DNAL1: variants seen among roughly 807,000 people sequenced by gnomAD.
DNAL1 encodes the protein chromosome 14 open reading frame 168.
A neutral mutation model predicts 29.4 loss-of-function variants in DNAL1; 17 were observed. The ratio of observed to expected loss-of-function variants is 0.58; its 90% confidence interval spans 0.40 to 0.87. The LOEUF is 0.87. Ranked by LOEUF, DNAL1 falls within the 40% of genes least tolerant of loss-of-function variation. The probability of loss-of-function intolerance (pLI) is 0.00; values close to 1 mark genes in which losing one functional copy is unlikely to be tolerated. For missense variants in DNAL1, 188 were observed against 214.1 expected (o/e 0.88, Z 0.76); for synonymous variants, 78 against 76.3 (o/e 1.02, Z -0.12).
intron 2 of DNAL1, among the ~76,000 whole-genome samples, chr14:73,656,631 G>C: frequency 6.6e-6 from 1 of 151,824 alleles, no homozygotes; most frequent in East Asian, 1.9e-4. Flanking sequence ...TCATTATGTT[G>C]CCCAGGTTGG....
At chr14:73,681,633 AATATATATAT>A (rs71112793) in intron 5 of DNAL1, among the ~76,000 whole-genome samples, 1 of 35,414 alleles carries the variant, frequency 2.8e-5, no homozygotes, top group Non-Finnish European at 4.1e-5. Context: ...AAAAAAAAAA[AATATATATAT>A]ATATATATAT....
intron 5 of DNAL1, among the ~76,000 whole-genome samples, chr14:73,676,344 T>C (rs1006301802): frequency 6.6e-6 from 1 of 152,198 alleles, no homozygotes; most frequent in Non-Finnish European, 1.5e-5. Flanking sequence ...CTTTGGTCTT[T>C]CTACCTCCTA....
rs1043288656 is a variant in DNAL1 at position 73,701,687 on chromosome 14, C to CG, written c.*5746dup. 2.6e-5 allele frequency: 4 copies of CG among 152,222 alleles called. No homozygotes were observed. The highest frequency in any genetic ancestry group is 7.2e-5 in the African/African-American group (3 of 41,458). 9.4% of individuals were successfully genotyped at this position (152,222 alleles called of 1,614,324 possible). On this transcript the variant is annotated 3_prime_UTR_variant, in exon 8 of 8. Coordinates refer to ENST00000553645, the MANE Select transcript of DNAL1 (RefSeq NM_031427.4). ...GTGAGTTGGAAGCTAAGAGCACATG[C>CG]GCATAGCCAGCTCCTCTCCCAGGCT...
In DNAL1 at chr14:73,658,753, G is replaced by A. The variant is rs1312902266; in HGVS notation, c.43-94G>A. The A allele has an allele frequency of 3.4e-6, 3 of 895,164 alleles. No individual in the cohort carries two copies. The African/African-American group carries it at 5.1e-5, about 15-fold the overall frequency. The allele number at this position is 895,164 out of a possible 1,614,324, so 55.5% of individuals were successfully genotyped here. Reference sequence around the variant, plus strand: ...TTTGCTAAATTCTAGCAATTGTCTTGAAATAAACATGGAAAAGCCTTAGGA... The same window carrying A: ...TTTGCTAAATTCTAGCAATTGTCTTAAAATAAACATGGAAAAGCCTTAGGA... On this transcript the variant is annotated intron_variant, in intron 2 of 7. Transcript: ENST00000553645.
At chr14:73,647,364 CA>C (rs199974495) in intron 1 of DNAL1, among the ~76,000 whole-genome samples, 47 of 92,746 alleles carry the variant, frequency 5.1e-4, no homozygotes, top group Middle Eastern at 7.1e-3. Context: ...GACTCTGTCT[CA>C]AAAAAAAAAA....
chr14:73,649,240 C>CT (rs2140022185), intron 1 of DNAL1, among the ~76,000 whole-genome samples: 1 of 151,404 alleles, frequency 6.6e-6, no homozygotes, highest in Admixed American at 6.6e-5. Context: ...TCCCAAAGTG[C>CT]TGGGATTACA....
Position 73,697,495 on chromosome 14 carries a change from C to G in DNAL1, c.*1553C>G, listed in dbSNP as rs571752759. On this transcript the variant is annotated 3_prime_UTR_variant, in exon 8 of 8. Transcript: ENST00000553645. The stretch of plus-strand genomic sequence containing the variant: ...TGGTGGCTCATGCCTGTCATCCCAG[C>G]ACTTTGGGAGGCCGAGGCGGGCGGA... 2 of 152,386 alleles carry G rather than the reference C, an allele frequency of 1.3e-5. No individual in the cohort carries two copies. The highest frequency in any genetic ancestry group is 1.3e-4 in the Admixed American group (2 of 15,288). 9.4% of individuals were successfully genotyped at this position (152,386 alleles called of 1,614,324 possible).
Position 73,689,399 on chromosome 14 carries a change from T to C in DNAL1, c.416T>C (p.Leu139Pro). Residue 139 changes from leucine (L) to proline (P), a missense_variant, in exon 7 of 8, where the codon CTG (leucine) becomes CCG (proline). By Grantham distance (98) the Leu-to-Pro change is moderately conservative. Transcript: ENST00000553645. ...GCTGAGTTTGTGAAGCTGGCAGAAC[T>C]GCCATGCCTCGAAGACCTGGTGTTT... is the stretch of plus-strand genomic sequence containing the variant. ...DWAEFVKLAE[L>P]PCLEDLVFVG... 6.4e-7 allele frequency: 1 copy of C among 1,553,170 alleles called. No individual in the cohort carries two copies. Among genetic ancestry groups the C allele is most frequent in the Admixed American group, 2.0e-5 (1 of 51,022 alleles).
intron 7 of DNAL1, among the ~76,000 whole-genome samples, chr14:73,690,037 CAA>C (rs569314573): frequency 0.1 from 3,374 of 33,252 alleles, 138 homozygotes; most frequent in African/African-American, 0.36. Context: ...AATTCCGTCT[CAA>C]AAAAAAAAAA....
chr14:73,662,151 G>C (rs1595207392), intron 4 of DNAL1, 109 bp downstream of exon 4: 2 of 906,986 alleles, frequency 2.2e-6, no homozygotes, highest in East Asian at 5.4e-5. Flanking sequence ...AGCCATACTT[G>C]TTGTCAGATA....
intron 1 of DNAL1, among the ~76,000 whole-genome samples, chr14:73,649,484 A>G (rs372753425): frequency 0.27 from 39,929 of 148,196 alleles, 5,781 homozygotes; most frequent in Non-Finnish European, 0.33. Context: ...GGGTTTCACC[A>G]TGATAGCCAG....
intron 1 of DNAL1, among the ~76,000 whole-genome samples, chr14:73,652,488 C>A (rs1414603148): frequency 6.6e-6 from 1 of 152,052 alleles, no homozygotes. Flanking sequence ...CTTGCCCAGG[C>A]TGGTCTCGAA....
At chr14:73,674,685 G>A (rs936172854) in intron 5 of DNAL1, among the ~76,000 whole-genome samples, 25 of 152,030 alleles carry the variant, frequency 1.6e-4, no homozygotes, top group Non-Finnish European at 1.0e-4. Context: ...GGGGCCACAG[G>A]TGTGTGCCAT....
At chr14:73,678,180 T>C (rs1891790945) in intron 5 of DNAL1, among the ~76,000 whole-genome samples, 1 of 152,108 alleles carries the variant, frequency 6.6e-6, no homozygotes, top group East Asian at 1.9e-4. Flanking sequence ...ACTACAGGCA[T>C]GAGCCACTGG....
intron 1 of DNAL1, among the ~76,000 whole-genome samples, chr14:73,652,192 T>C (rs1006812288): frequency 6.6e-6 from 1 of 152,102 alleles, no homozygotes; most frequent in Non-Finnish European, 1.5e-5. Context: ...TAGCTGTAAC[T>C]ACAGGTGCCT....
chr14:73,676,694 TTC>T (rs148847585), intron 5 of DNAL1, among the ~76,000 whole-genome samples: 7 of 151,368 alleles, frequency 4.6e-5, no homozygotes, highest in South Asian at 4.2e-4. Context: ...AGTGTGGGTT[TTC>T]TCTCTCTCTC....
chr14:73,681,976 G>A (rs1891898494), intron 5 of DNAL1, among the ~76,000 whole-genome samples: 1 of 151,496 alleles, frequency 6.6e-6, no homozygotes, highest in South Asian at 2.1e-4. Flanking sequence ...GCCAGGCGTG[G>A]TGGTGCATGC....
At chr14:73,695,232 A>AT (rs1555403563) in intron 7 of DNAL1, among the ~76,000 whole-genome samples, 2 of 148,040 alleles carry the variant, frequency 1.4e-5, no homozygotes, top group Admixed American at 6.7e-5. Flanking sequence ...AATTTTTTTT[A>AT]TTTTTTGTAG....
At position 73,689,384 on chromosome 14, in the gene DNAL1, T is replaced by G; in HGVS notation, c.401T>G (p.Val134Gly). The G allele has an allele frequency of 1.9e-6, 3 of 1,552,474 alleles. No homozygotes were observed. The highest frequency in any genetic ancestry group is 2.6e-6 in the Non-Finnish European group (3 of 1,147,296). ...NNLVKDWAEFVKLAELPCLED... is the reference protein window; with the variant it reads ...NNLVKDWAEFGKLAELPCLED... ...ATTCTTTTACTTGTAGCTGAGTTTG[T>G]GAAGCTGGCAGAACTGCCATGCCTC... The change falls in exon 7 of 8, where the codon GTG (valine) becomes GGG (glycine). Residue 134 changes from valine (V) to glycine (G), a missense_variant. Physicochemically the swap from Val to Gly is moderately radical, Grantham distance 109. Coordinates refer to ENST00000553645, the MANE Select transcript of DNAL1 (RefSeq NM_031427.4).
Sources: allele counts gnomAD v4.1 joint callset (sites outside exome capture counted in the v4.1 genomes callset), GRCh38; gene constraint gnomAD v4.1.1; transcripts MANE v1.5; gene names NCBI Gene and HGNC (gene_info 2026-07-23, HGNC 2026-07-21).